The following PRRC2C variants were observed in gnomAD, a reference collection of about 807,000 sequenced individuals.
PRRC2C encodes protein PRRC2C.
A neutral mutation model predicts 317.2 loss-of-function variants in PRRC2C; 72 were observed. That is an observed-to-expected ratio of 0.23 (90% confidence interval 0.19 to 0.28). PRRC2C has a LOEUF of 0.28. PRRC2C is among the 10% of genes least tolerant of loss of function. The pLI, the probability that PRRC2C is intolerant of heterozygous loss-of-function variation, is 1.00. For missense variants in PRRC2C, 3,074 were observed against 3,459.7 expected, an observed-to-expected ratio of 0.89 and a Z score of 2.80; for synonymous variants, 1,296 against 1,205.9, an observed-to-expected ratio of 1.07 and a Z score of -1.55.
At position 171,494,509 on chromosome 1, in the gene PRRC2C, A is replaced by G. The variant is rs562287975; in HGVS notation, c.-58+8774A>G. On this transcript the variant is annotated intron_variant, in intron 1 of 34. Coordinates refer to ENST00000647382, the MANE Select transcript of PRRC2C (RefSeq NM_001387844.1). The stretch of plus-strand genomic sequence containing the variant: ...TTAGAATTACTAGTTCATTTTAACT[A>G]CTAGAAATGGAAGAGACCTTGTAAG... 8.5e-5 allele frequency among the ~76,000 whole-genome samples: 13 copies of G among 152,202 alleles called. 1 individual carries two copies. The South Asian group carries it at 1.4e-3, about 17-fold the overall frequency.
intron 1 of PRRC2C, among the ~76,000 whole-genome samples, chr1:171,500,617 G>A (rs1472114969): frequency 6.6e-6 from 1 of 152,136 alleles, no homozygotes; most frequent in Non-Finnish European, 1.5e-5. Flanking sequence ...GTTGTCTCCA[G>A]AGAGTTTCAA....
chr1:171,554,676 G>A (rs1434496727), intron 18 of PRRC2C, among the ~76,000 whole-genome samples: 1 of 152,148 alleles, frequency 6.6e-6, no homozygotes, highest in African/African-American at 2.4e-5. Flanking sequence ...AAATCTCTCA[G>A]CATTTGCTTG....
intron 16 of PRRC2C, among the ~76,000 whole-genome samples, chr1:171,542,838 G>A (rs1417389811): frequency 6.6e-6 from 1 of 151,920 alleles, no homozygotes; most frequent in Non-Finnish European, 1.5e-5. Flanking sequence ...TCGGCTCACT[G>A]CAAGCTCCAC....
intron 30 of PRRC2C, among the ~76,000 whole-genome samples, chr1:171,586,596 T>TTTTATTTTATTTTATTTTATTTTAG (rs1650072572): frequency 1.4e-5 from 2 of 143,998 alleles, no homozygotes; most frequent in Non-Finnish European, 3.0e-5. Flanking sequence ...TTTTATTTTA[T>TTTTATTTTATTTTATTTTATTTTAG]TTTGAGACAG....
At chr1:171,539,527 A>T (rs1677549597) in intron 15 of PRRC2C, among the ~76,000 whole-genome samples, 1 of 152,048 alleles carries the variant, frequency 6.6e-6, no homozygotes, top group South Asian at 2.1e-4. Context: ...CCTATATTAT[A>T]CCTATACCTA....
At position 171,557,903 on chromosome 1, in the gene PRRC2C, C is replaced by G; in HGVS notation, c.5791C>G (p.Pro1931Ala). 1 of 1,556,948 alleles carries G rather than the reference C, an allele frequency of 6.4e-7. No individual in the cohort carries two copies. The highest frequency in any genetic ancestry group is 8.7e-7 in the Non-Finnish European group (1 of 1,150,366). The change falls in exon 19 of 35, where the codon CCA (proline) becomes GCA (alanine). Residue 1931 changes from proline to alanine, a missense_variant. Pro to Ala is a conservative substitution (Grantham distance 27, BLOSUM62 -1). Transcript: ENST00000647382. The stretch of plus-strand genomic sequence containing the variant: ...AGCCCCAAATCCTGCCCCACCTGCC[C>G]CAGCCCAGACTCAGGCACAGACCCA... ...VSAPNPAPPA[P>A]AQTQAQTHKP...
At chr1:171,557,038 A>C (rs951537874) in intron 18 of PRRC2C, among the ~76,000 whole-genome samples, 1 of 152,186 alleles carries the variant, frequency 6.6e-6, no homozygotes, top group Non-Finnish European at 1.5e-5. Context: ...AAGAATGTAC[A>C]ATACCTATTT....
At position 171,529,375 on chromosome 1, in the gene PRRC2C, A is replaced by G. The variant is rs116163367; in HGVS notation, c.1254+1531A>G. Among the ~76,000 whole-genome samples the G allele has an allele frequency of 7.1e-3, 1,080 of 152,288 alleles. 17 individuals carry two copies. Among genetic ancestry groups the G allele is most frequent in the African/African-American group, 0.025 (1,038 of 41,550 alleles). On this transcript the variant is annotated intron_variant, in intron 11 of 34. Coordinates refer to ENST00000647382, the MANE Select transcript of PRRC2C (RefSeq NM_001387844.1). ...CTTGGATCTCTAGTAAACAGCTCAA[A>G]TATGTCCAAACCATAACACACACCC...
At chr1:171,560,738 C>T (rs1682520714) in intron 19 of PRRC2C, among the ~76,000 whole-genome samples, 1 of 152,074 alleles carries the variant, frequency 6.6e-6, no homozygotes, top group African/African-American at 2.4e-5. Flanking sequence ...ATAATGTAAA[C>T]ATAACTTTTG....
In PRRC2C at chr1:171,508,277, A is replaced by C. The variant is rs116455723; in HGVS notation, c.-57-3755A>C. On this transcript the variant is annotated intron_variant, in intron 1 of 34. Transcript: ENST00000647382. ...CATTGATTTTGATGTTAGCTGTGGG[A>C]TTTTTGTAAATGACCTTTATTATGT... Among the ~76,000 whole-genome samples the C allele has an allele frequency of 3.8e-3, 573 of 152,118 alleles. 3 individuals carry two copies. The highest frequency in any genetic ancestry group is 0.013 in the African/African-American group (546 of 41,498).
Position 171,541,972 on chromosome 1 carries a change from T to C in PRRC2C, c.4506T>C (p.Ser1502=). The part of the protein sequence containing the change: ...DQANEEWETA[S]ESSDFNERRE... ...CAAATGAAGAATGGGAAACAGCTTC[T>C]GAAAGCAGTGATTTCAATGAGAGGC... The change falls in exon 16 of 35, where the codon TCT becomes TCC. Residue 1502 remains serine (S), a synonymous_variant. Coordinates refer to ENST00000647382, the MANE Select transcript of PRRC2C (RefSeq NM_001387844.1). The surrounding 1 kb of genome is among the most constrained non-coding windows in gnomAD (Gnocchi z 4.1). The C allele has an allele frequency of 6.2e-7, 1 of 1,613,734 alleles. No homozygotes were observed. The highest frequency in any genetic ancestry group is 8.5e-7 in the Non-Finnish European group (1 of 1,179,848).
At position 171,540,655 on chromosome 1, in the gene PRRC2C, CCCACCACCACCTCAG is replaced by C; in HGVS notation, c.3196_3210del (p.Pro1066_Pro1070del). On this transcript the variant is annotated inframe_deletion, in exon 16 of 35. Coordinates refer to ENST00000647382, the MANE Select transcript of PRRC2C (RefSeq NM_001387844.1). ...CGGAAAAGAAGGATCTTCCTCCTCC[CCCACCACCACCTCAG>C]CCACCAGCACCAATTCAGCCACAGT... 1 of 1,613,918 alleles carries C rather than the reference CCCACCACCACCTCAG, an allele frequency of 6.2e-7. No individual in the cohort carries two copies. The highest frequency in any genetic ancestry group is 8.5e-7 in the Non-Finnish European group (1 of 1,179,872).
Position 171,592,407 on chromosome 1 carries a change from A to G in PRRC2C, c.*560A>G, listed in dbSNP as rs1651613779. The G allele has an allele frequency of 6.5e-6, 1 of 152,672 alleles. No homozygotes were observed. The highest frequency in any genetic ancestry group is 2.4e-5 in the African/African-American group (1 of 41,462). The allele number at this position is 152,672 out of a possible 1,614,324, so 9.5% of individuals were successfully genotyped here. On this transcript the variant is annotated 3_prime_UTR_variant, in exon 35 of 35. Coordinates refer to ENST00000647382, the MANE Select transcript of PRRC2C (RefSeq NM_001387844.1). ...TTATAACATGGTGATTGAGTTGAACACAATCAAAGTACAGTAGTAACTGAT... is the reference window on the plus strand; with the variant it reads ...TTATAACATGGTGATTGAGTTGAACGCAATCAAAGTACAGTAGTAACTGAT...
chr1:171,564,724 C>T (rs2102701372), intron 20 of PRRC2C, among the ~76,000 whole-genome samples: 1 of 152,200 alleles, frequency 6.6e-6, no homozygotes. Flanking sequence ...AGTTGTAACA[C>T]AATGATAAGT....
At chr1:171,533,073 T>G in intron 12 of PRRC2C, 112 bp downstream of exon 12, 4 of 1,092,106 alleles carry the variant, frequency 3.7e-6, no homozygotes, top group Non-Finnish European at 3.7e-6. Flanking sequence ...AAGTGATTGT[T>G]TTATGATAGC....
chr1:171,557,080 A>G (rs1437302963), intron 18 of PRRC2C, among the ~76,000 whole-genome samples, 160 bp from the exon 19 acceptor site: 2 of 152,178 alleles, frequency 1.3e-5, no homozygotes, highest in Non-Finnish European at 2.9e-5. Flanking sequence ...TTGGCTTCTC[A>G]TCATTCAAAA....
At chr1:171,487,547 G>C (rs767624807) in intron 1 of PRRC2C, among the ~76,000 whole-genome samples, 4 of 152,118 alleles carry the variant, frequency 2.6e-5, no homozygotes, top group Non-Finnish European at 2.9e-5. Context: ...TTTTCTATTT[G>C]AGTGCTTAGA....
At chr1:171,589,832 C>A (rs1423620696) in intron 34 of PRRC2C, among the ~76,000 whole-genome samples, 1 of 147,012 alleles carries the variant, frequency 6.8e-6, no homozygotes, top group East Asian at 2.0e-4. Context: ...TTTTTTGCAA[C>A]TGTAGTCAGG....
intron 12 of PRRC2C, 36 bp from the exon 13 acceptor site, chr1:171,535,392 A>G: frequency 6.3e-7 from 1 of 1,576,830 alleles, no homozygotes; most frequent in Non-Finnish European, 8.6e-7. Flanking sequence ...AGTGTCATAG[A>G]TGAATACTAT....
Sources: gnomAD v4.1 joint callset for allele counts (sites outside exome capture counted in the v4.1 genomes callset) on GRCh38, gnomAD v4.1.1 for gene constraint, Gnocchi (gnomAD v3.1) non-coding constraint, MANE v1.5 for transcripts, NCBI Gene and HGNC (gene_info 2026-07-23, HGNC 2026-07-21) for gene names.